Variants in ANKS4B observed in about 807,000 individuals in gnomAD.
The protein encoded by ANKS4B is ankyrin repeat and SAM domain-containing protein 4B.
A neutral mutation model predicts 20.2 loss-of-function variants in ANKS4B; 21 were observed. The ratio of observed to expected loss-of-function variants is 1.04; its 90% CI spans 0.74 to 1.50. The LOEUF (loss-of-function observed/expected upper bound fraction) is 1.50. Among genes scored for constraint, ANKS4B ranks in the 40% most tolerant of loss-of-function variants. ANKS4B has a pLI of 0.00. For synonymous variants in ANKS4B, 179 were observed against 194.5 expected, an observed-to-expected ratio of 0.92 and a Z score of 0.66; for missense variants, 473 against 494.6, an observed-to-expected ratio of 0.96 and a Z score of 0.41.
At chr16:21,240,702 C>G (rs2093325503) in intron 1 of ANKS4B, among the ~76,000 whole-genome samples, 1 of 151,900 alleles carries the variant, frequency 6.6e-6, no homozygotes, top group Non-Finnish European at 1.5e-5. Flanking sequence ...ATACTGAAAC[C>G]TTCTAATTAT....
At chr16:21,239,793 C>T (rs1447927970) in intron 1 of ANKS4B, among the ~76,000 whole-genome samples, 1 of 152,068 alleles carries the variant, frequency 6.6e-6, no homozygotes, top group South Asian at 2.1e-4. Context: ...TTATTCTTAG[C>T]GAGCTAACGC....
At chr16:21,241,001 C>A (rs1321122145) in intron 1 of ANKS4B, among the ~76,000 whole-genome samples, 2 of 152,112 alleles carry the variant, frequency 1.3e-5, no homozygotes, top group African/African-American at 4.8e-5. Context: ...TATATGTTGG[C>A]CAGGCCGGTC....
intron 1 of ANKS4B, among the ~76,000 whole-genome samples, chr16:21,243,662 C>T (rs2093328955): frequency 1.3e-5 from 2 of 152,114 alleles, no homozygotes; most frequent in Admixed American, 1.3e-4. Context: ...AGCTCCGCCT[C>T]CTGGGTTCAC....
intron 1 of ANKS4B, chr16:21,238,833 C>T (rs940093730): frequency 6.6e-6 from 1 of 152,064 alleles, no homozygotes; most frequent in African/African-American, 2.4e-5. Context: ...CTTGTTTTTC[C>T]TAGTCCTTCC....
intron 1 of ANKS4B, among the ~76,000 whole-genome samples, chr16:21,249,457 A>T (rs1442977307): frequency 6.6e-6 from 1 of 152,174 alleles, no homozygotes; most frequent in Non-Finnish European, 1.5e-5. Flanking sequence ...AGCCTGGGAG[A>T]TAGAGTGAGA....
At chr16:21,245,401 G>C (rs1472844081) in intron 1 of ANKS4B, among the ~76,000 whole-genome samples, 3 of 152,110 alleles carry the variant, frequency 2.0e-5, no homozygotes. Context: ...TGCCCTCTGG[G>C]GCATATTATC....
At chr16:21,249,415 G>T (rs1446820486) in intron 1 of ANKS4B, among the ~76,000 whole-genome samples, 6 of 152,334 alleles carry the variant, frequency 3.9e-5, no homozygotes, top group Middle Eastern at 6.8e-3. Flanking sequence ...GGTCAAGGCT[G>T]CCAATGAGCT....
At chr16:21,237,366 A>AT (rs1264450250) in intron 1 of ANKS4B, among the ~76,000 whole-genome samples, 1 of 152,168 alleles carries the variant, frequency 6.6e-6, no homozygotes, top group African/African-American at 2.4e-5. Flanking sequence ...TTCTGGATCA[A>AT]TTTGCATTTG....
Position 21,250,188 on chromosome 16 carries a change from A to C in ANKS4B, c.622A>C (p.Lys208Gln), listed in dbSNP as rs760434390. ...GGGCATTAAAGACACTTTCAAGATC[A>C]AGTTCAAGAAGAACAAAGATACAGC... Reference protein sequence around the residue: ...SKGIKDTFKIKFKKNKDTAEQ... With the variant: ...SKGIKDTFKIQFKKNKDTAEQ... Residue 208 changes from lysine to glutamine, a missense_variant, in exon 2 of 2, where the codon AAG becomes CAG. Coordinates refer to ENST00000311620, the MANE Select transcript of ANKS4B (RefSeq NM_145865.3). 8 of 1,614,078 alleles carry C rather than the reference A, an allele frequency of 5.0e-6. 1 individual carries two copies. The South Asian group carries it at 8.8e-5, about 18-fold the overall frequency.
At chr16:21,246,985 C>G (rs2093333065) in intron 1 of ANKS4B, among the ~76,000 whole-genome samples, 1 of 152,072 alleles carries the variant, frequency 6.6e-6, no homozygotes, top group African/African-American at 2.4e-5. Context: ...TGTAGTGAGC[C>G]TACGAATCAC....
intron 1 of ANKS4B, among the ~76,000 whole-genome samples, chr16:21,240,152 T>C (rs2093324658): frequency 1.3e-5 from 2 of 152,110 alleles, no homozygotes. Flanking sequence ...AATTTGAAGA[T>C]GGAAAACAAT....
intron 1 of ANKS4B, among the ~76,000 whole-genome samples, 179 bp downstream of exon 1, chr16:21,234,080 G>A (rs1460345861): frequency 6.6e-6 from 1 of 152,194 alleles, no homozygotes; most frequent in Non-Finnish European, 1.5e-5. Context: ...TTCTCACTGA[G>A]GACTGGCACT....
chr16:21,237,120 G>C (rs756921511), intron 1 of ANKS4B, among the ~76,000 whole-genome samples: 5 of 151,796 alleles, frequency 3.3e-5, no homozygotes, highest in Non-Finnish European at 7.4e-5. Flanking sequence ...TCTCGGGTTT[G>C]AGCAATTTTC....
Position 21,250,124 on chromosome 16 carries a change from A to G in ANKS4B, c.558A>G (p.Ser186=), listed in dbSNP as rs755184181. Residue 186 remains serine, a synonymous_variant, in exon 2 of 2, where the codon TCA becomes TCG. Coordinates refer to ENST00000311620, the MANE Select transcript of ANKS4B (RefSeq NM_145865.3). The part of the protein sequence containing the change: ...SKGTFSRSSP[S]NASAPGTFGS... ...GTACCTTCTCCAGATCATCCCCTTC[A>G]AATGCTTCTGCTCCTGGCACATTCG... 1.2e-6 allele frequency: 2 copies of G among 1,614,180 alleles called. No homozygotes were observed. Among genetic ancestry groups the G allele is most frequent in the East Asian group, 2.2e-5 (1 of 44,884 alleles).
At chr16:21,240,073 C>T (rs1430519291) in intron 1 of ANKS4B, among the ~76,000 whole-genome samples, 3 of 152,114 alleles carry the variant, frequency 2.0e-5, no homozygotes, top group African/African-American at 2.4e-5. Flanking sequence ...TGATAGACAA[C>T]GAATCCTATA....
At chr16:21,247,003 T>A (rs771343281) in intron 1 of ANKS4B, among the ~76,000 whole-genome samples, 28 of 152,128 alleles carry the variant, frequency 1.8e-4, no homozygotes, top group South Asian at 4.1e-4. Context: ...CACCTGCGGA[T>A]CTTGCTAAAG....
chr16:21,248,203 T>A (rs1056735881), intron 1 of ANKS4B, among the ~76,000 whole-genome samples: 2 of 151,916 alleles, frequency 1.3e-5, no homozygotes, highest in African/African-American at 4.8e-5. Flanking sequence ...TAAAAAAAAA[T>A]TTAATGGAGG....
intron 1 of ANKS4B, among the ~76,000 whole-genome samples, chr16:21,243,111 A>G (rs2093328335): frequency 6.6e-6 from 1 of 152,222 alleles, no homozygotes; most frequent in Non-Finnish European, 1.5e-5. Context: ...ATAGTTGAGA[A>G]CTTCACAAAA....
At position 21,250,419 on chromosome 16, in the gene ANKS4B, G is replaced by C; in HGVS notation, c.853G>C (p.Glu285Gln). Residue 285 changes from glutamate (E) to glutamine (Q), a missense_variant, in exon 2 of 2, where the codon GAA becomes CAA. Glu to Gln is a conservative substitution (Grantham distance 29). Coordinates refer to ENST00000311620, the MANE Select transcript of ANKS4B (RefSeq NM_145865.3). ...TAGAAGGAACAGGATATCGAGTCCT[G>C]AAGACATCTCAGATAGCAAGAGAGA... is the stretch of plus-strand genomic sequence containing the variant. ...VFRRNRISSP[E>Q]DISDSKREFG... 1.2e-6 allele frequency: 2 copies of C among 1,614,176 alleles called. No individual in the cohort carries two copies. Among genetic ancestry groups the C allele is most frequent in the Non-Finnish European group, 1.7e-6 (2 of 1,180,044 alleles).
Sources: gnomAD v4.1 joint callset for allele counts (sites outside exome capture counted in the v4.1 genomes callset) on GRCh38, gnomAD v4.1.1 for gene constraint, MANE v1.5 for transcripts, NCBI Gene and HGNC (gene_info 2026-07-23, HGNC 2026-07-21) for gene names.